The following DMD variants were observed in gnomAD, a reference collection of about 807,000 sequenced individuals.
DMD encodes dystrophin, also known as mutant dystrophin.
A neutral mutation model predicts 330.1 loss-of-function variants in DMD; 63 were observed. That is an observed-to-expected ratio of 0.19 (90% CI 0.16 to 0.24). The LOEUF is 0.24. DMD is among the 10% of genes least tolerant of loss of function. The pLI is 1.00. For missense variants in DMD, 3,344 were observed against 2,684.1 expected (o/e 1.25, Z -5.43); for synonymous variants, 1,223 against 959.8 (o/e 1.27, Z -5.07).
At chrX:32,919,585 T>C (rs1017741386) in intron 2 of DMD, among the ~76,000 whole-genome samples, 2 of 112,008 alleles carry the variant, frequency 1.8e-5, no homozygotes, top group African/African-American at 6.5e-5. Context: ...ATATTTTATT[T>C]ACTCTTCAAA....
intron 59 of DMD, among the ~76,000 whole-genome samples, chrX:31,445,968 T>C (rs2065238474): frequency 8.9e-6 from 1 of 112,225 alleles, no homozygotes; most frequent in Non-Finnish European, 1.9e-5. Flanking sequence ...CACTTGACTA[T>C]ACGTGTTGTT....
At chrX:33,017,412 T>C (rs776228599) in intron 2 of DMD, among the ~76,000 whole-genome samples, 5 of 111,359 alleles carry the variant, frequency 4.5e-5, no homozygotes, top group African/African-American at 6.5e-5. Context: ...AAAATGAATA[T>C]GAGTTAGATT....
chrX:31,463,887 G>C (rs2066688465), intron 59 of DMD, among the ~76,000 whole-genome samples: 1 of 111,449 alleles, frequency 9.0e-6, no homozygotes. Flanking sequence ...ACTCTATAAT[G>C]AGATCAGACT....
At position 31,771,642 on chromosome X, in the gene DMD, T is replaced by G. The variant is rs988719139; in HGVS notation, c.7542+2318A>C. Among the ~76,000 whole-genome samples, 4 of 110,002 alleles carry G rather than the reference T, an allele frequency of 3.6e-5. No homozygotes were observed. In the Admixed American group the frequency reaches 3.9e-4, roughly 11 times the overall value. On this transcript the variant is annotated intron_variant, in intron 51 of 78. Transcript: ENST00000357033. ...TCAGCCTCCCTAGTAGCTGGGATTATAGGCATGGGCCACCACACCAGCTAA... is the reference window on the plus strand; with the variant it reads ...TCAGCCTCCCTAGTAGCTGGGATTAGAGGCATGGGCCACCACACCAGCTAA...
intron 64 of DMD, among the ~76,000 whole-genome samples, chrX:31,222,403 A>AAAC (rs2046185847): frequency 9.5e-6 from 1 of 105,785 alleles, no homozygotes; most frequent in Non-Finnish European, 1.9e-5. Context: ...AAAAAAAAAA[A>AAAC]AAAAAAAAAA....
intron 9 of DMD, among the ~76,000 whole-genome samples, chrX:32,696,854 G>A (rs1162518032): frequency 9.0e-6 from 1 of 110,840 alleles, no homozygotes; most frequent in Non-Finnish European, 1.9e-5. Context: ...TGAGAAGAGA[G>A]CTTTGCAAGT....
intron 1 of DMD, among the ~76,000 whole-genome samples, chrX:33,229,433 TA>T (rs1199313897): frequency 8.9e-6 from 1 of 111,797 alleles, no homozygotes; most frequent in African/African-American, 3.2e-5. Flanking sequence ...GTTTTGCCTT[TA>T]GATGTCTACT....
chrX:32,247,071 A>C (rs1299123142), intron 43 of DMD, among the ~76,000 whole-genome samples: 1 of 111,877 alleles, frequency 8.9e-6, no homozygotes, highest in African/African-American at 3.2e-5. Flanking sequence ...CCAAGTTTGA[A>C]AACGATTGTC....
intron 61 of DMD, 185 bp downstream of exon 61, chrX:31,348,371 T>A: frequency 4.2e-6 from 2 of 475,369 alleles, no homozygotes; most frequent in Non-Finnish European, 7.5e-6. Flanking sequence ...AATGATCCAA[T>A]TGGCCTTCCT....
chrX:31,370,098 CA>C (rs59989996), intron 60 of DMD, among the ~76,000 whole-genome samples: 86 of 59,317 alleles, frequency 1.4e-3, no homozygotes, highest in African/African-American at 4.8e-3. Context: ...GGCTCCGTCT[CA>C]AAAAAAAAAA....
At chrX:32,657,457 A>G (rs2060655402) in intron 9 of DMD, among the ~76,000 whole-genome samples, 2 of 112,215 alleles carry the variant, frequency 1.8e-5, no homozygotes, top group Non-Finnish European at 3.8e-5. Flanking sequence ...ACTGTTTCAT[A>G]TAATTCTTAC....
At chrX:32,730,241 G>A (rs2067402993) in intron 7 of DMD, among the ~76,000 whole-genome samples, 1 of 112,290 alleles carries the variant, frequency 8.9e-6, no homozygotes, top group Non-Finnish European at 1.9e-5. Context: ...AGTTACTCAG[G>A]AGGCTGAGCT....
chrX:32,046,237 A>G (rs1280152510), intron 44 of DMD, among the ~76,000 whole-genome samples: 5 of 112,561 alleles, frequency 4.4e-5, no homozygotes, highest in East Asian at 2.8e-4. Flanking sequence ...TCCACATAGA[A>G]CTAATATAAT....
chrX:32,476,467 C>A (rs1304907726), intron 21 of DMD, among the ~76,000 whole-genome samples: 2 of 111,281 alleles, frequency 1.8e-5, no homozygotes, highest in African/African-American at 6.5e-5. Context: ...GGTTTGGGAA[C>A]TTGTCCATCT....
chrX:32,572,026 C>A (rs923696303), intron 15 of DMD, among the ~76,000 whole-genome samples: 1 of 111,956 alleles, frequency 8.9e-6, no homozygotes, highest in Non-Finnish European at 1.9e-5. Flanking sequence ...GCCAAAACTA[C>A]AAATACAGCT....
At chrX:32,848,653 G>A (rs111843070) in intron 3 of DMD, among the ~76,000 whole-genome samples, 3 of 110,921 alleles carry the variant, frequency 2.7e-5, no homozygotes, top group Non-Finnish European at 5.7e-5. Context: ...GAATTTAATT[G>A]AGGAGGGATG....
At chrX:31,561,836 A>G (rs1174209101) in intron 55 of DMD, among the ~76,000 whole-genome samples, 2 of 112,083 alleles carry the variant, frequency 1.8e-5, no homozygotes, top group Admixed American at 1.9e-4. Flanking sequence ...TCAGTTTTCT[A>G]TATTATCTTA....
intron 59 of DMD, among the ~76,000 whole-genome samples, chrX:31,451,333 A>G (rs1340762170): frequency 1.1e-5 from 1 of 88,110 alleles, no homozygotes; most frequent in Non-Finnish European, 2.1e-5. Flanking sequence ...CCCAGGCTGG[A>G]GTACAATGGC....
chrX:31,627,547 G>T, intron 55 of DMD, 126 bp downstream of exon 55: 1 of 688,852 alleles, frequency 1.5e-6, no homozygotes, highest in East Asian at 3.5e-5. Context: ...TCCAAATACC[G>T]AAATACATCA....
Sources: gnomAD v4.1 joint callset for allele counts (sites outside exome capture counted in the v4.1 genomes callset) on GRCh38, gnomAD v4.1.1 for gene constraint, MANE v1.5 for transcripts, NCBI Gene and HGNC (gene_info 2026-07-23, HGNC 2026-07-21) for gene names.